QARS1: variants seen among roughly 807,000 people sequenced by gnomAD.
QARS1 encodes the protein glutamine--tRNA ligase.
Under a neutral mutation model 106.9 loss-of-function variants are expected in QARS1, and 79 were observed. That is an observed-to-expected ratio of 0.74 (90% CI 0.62 to 0.89). The LOEUF (loss-of-function observed/expected upper bound fraction) is 0.89. QARS1 is among the 40% of genes least tolerant of loss of function. The pLI is 0.00. For missense variants in QARS1, 966 were observed against 997.2 expected, an observed-to-expected ratio of 0.97 and a Z score of 0.42; for synonymous variants, 395 against 367.7, an observed-to-expected ratio of 1.07 and a Z score of -0.85.
intron 5 of QARS1, 92 bp from the exon 6 acceptor site, chr3:49,102,564 C>T (rs2042485353): frequency 7.0e-7 from 1 of 1,429,900 alleles, no homozygotes; most frequent in East Asian, 2.3e-5. Flanking sequence ...GCTTCCTGGC[C>T]TATCTACCAG....
In QARS1 at chr3:49,103,660, C is replaced by A; in HGVS notation, c.422G>T (p.Arg141Leu). 1 of 1,613,796 alleles carries A rather than the reference C, an allele frequency of 6.2e-7. No homozygotes were observed. The highest frequency in any genetic ancestry group is 1.1e-5 in the South Asian group (1 of 90,992). Residue 141 changes from arginine (R) to leucine (L), a missense_variant, in exon 4 of 24, where the codon CGT becomes CTT. By Grantham distance (102) the Arg-to-Leu change is moderately radical. Transcript: ENST00000306125. ...NRHRPQLLVE[R>L]YHFNMGLLMG... ...CAGCAGCCCCATGTTGAAATGGTAA[C>A]GTTCCACCAGGAGCTGGGGCCGGTG...
Position 49,101,623 on chromosome 3 carries a change from C to A in QARS1, c.786G>T (p.Gly262=). 6.2e-7 allele frequency: 1 copy of A among 1,613,518 alleles called. No individual in the cohort carries two copies. The highest frequency in any genetic ancestry group is 1.3e-5 in the African/African-American group (1 of 75,028). ...LLKQHLEITG[G]QVRTRFPPEP... The stretch of plus-strand genomic sequence containing the variant: ...ACATGGCCACATCCCCACACACCTG[C>A]CCACCAGTAATCTCCAGGTGCTGCT... Residue 262 remains glycine (G), a synonymous_variant, in exon 9 of 24, where the codon GGG becomes GGT. Transcript: ENST00000306125.
chr3:49,098,599 C>G lies in QARS1; in HGVS notation c.1956+1G>C. ...GTAGGAAGGCTGCAGCTGGCTCTCA[C>G]CTTGACAACATGCTGCAGCTCAATG... On this transcript the variant is annotated splice_donor_variant, in intron 20 of 23. Transcript: ENST00000306125. LOFTEE classifies it high-confidence loss of function. 1 of 1,610,526 alleles carries G rather than the reference C, an allele frequency of 6.2e-7. No homozygotes were observed. The highest frequency in any genetic ancestry group is 8.5e-7 in the Non-Finnish European group (1 of 1,177,930).
At chr3:49,102,372 C>A (rs774433696) in intron 6 of QARS1, 47 bp downstream of exon 6, 16 of 1,612,770 alleles carry the variant, frequency 9.9e-6, no homozygotes, top group Middle Eastern at 1.6e-4. Flanking sequence ...GAAGTCTCAC[C>A]ATACCTCACC....
chr3:49,100,160 C>T, intron 13 of QARS1, 30 bp downstream of exon 13: 1 of 1,614,180 alleles, frequency 6.2e-7, no homozygotes, highest in Non-Finnish European at 8.5e-7. Flanking sequence ...CTTGGCCCAC[C>T]CAAACCCAGA....
rs1459172283 is a variant in QARS1 at position 49,098,702 on chromosome 3, G to A, written c.1864-10C>T. On this transcript the variant is annotated splice_polypyrimidine_tract_variant and intron_variant, in intron 19 of 23. Coordinates refer to ENST00000306125, the MANE Select transcript of QARS1 (RefSeq NM_005051.3). Reference sequence around the variant, plus strand: ...ATCCTGGCTCTGGCTCCTAGAGATAGGAAGTGGGGTAGACACATGAGGCTG... The same window carrying A: ...ATCCTGGCTCTGGCTCCTAGAGATAAGAAGTGGGGTAGACACATGAGGCTG... 3.8e-6 allele frequency: 6 copies of A among 1,582,762 alleles called. No individual in the cohort carries two copies. Among genetic ancestry groups the A allele is most frequent in the Non-Finnish European group, 5.1e-6 (6 of 1,165,728 alleles).
rs2107096740 is a variant in QARS1, at chr3:49,098,584, T to C, written c.1956+16A>G. 1 of 1,607,688 alleles carries C rather than the reference T, an allele frequency of 6.2e-7. No individual in the cohort carries two copies. The highest frequency in any genetic ancestry group is 8.5e-7 in the Non-Finnish European group (1 of 1,176,122). On this transcript the variant is annotated intron_variant, in intron 20 of 23. Transcript: ENST00000306125. ...CCAGCAGGCACTGCAGTAGGAAGGC[T>C]GCAGCTGGCTCTCACCTTGACAACA... is the stretch of plus-strand genomic sequence containing the variant.
chr3:49,098,105 C>A lies in QARS1; in HGVS notation c.2164G>T (p.Val722Leu), dbSNP rs781454677. 2 of 1,614,214 alleles carry A rather than the reference C, an allele frequency of 1.2e-6. No individual in the cohort carries two copies. Among genetic ancestry groups the A allele is most frequent in the Non-Finnish European group, 1.7e-6 (2 of 1,180,036 alleles). Reference protein sequence around the residue: ...LSDLNLASLHVVDAALVDCSV... With the variant: ...LSDLNLASLHLVDAALVDCSV... ...CAGTCCACTAATGCTGCATCCACCA[C>A]GTGTAGTGATGCCTGCAGGCAGGGA... The change falls in exon 23 of 24, where the codon GTG (valine) becomes TTG (leucine). Residue 722 changes from valine (V) to leucine (L), a missense_variant. Transcript: ENST00000306125.
chr3:49,104,605 A>C lies in QARS1; in HGVS notation c.117+12T>G, dbSNP rs753102950. 2 of 1,599,218 alleles carry C rather than the reference A, an allele frequency of 1.3e-6. No homozygotes were observed. ...GGTCTGCAAACCAGGCCGGGGGCAGAGGGGCTCGCACCTGAGTAGCGGCCT... is the reference window on the plus strand; with the variant it reads ...GGTCTGCAAACCAGGCCGGGGGCAGCGGGGCTCGCACCTGAGTAGCGGCCT... On this transcript the variant is annotated intron_variant, in intron 1 of 23. Transcript: ENST00000306125.
rs769326974 is a variant in QARS1 at position 49,101,816 on chromosome 3, A to G, written c.703+12T>C. 5.6e-5 allele frequency: 91 copies of G among 1,610,902 alleles called. No individual in the cohort carries two copies. Among genetic ancestry groups the G allele is most frequent in the Admixed American group, 2.2e-4 (13 of 59,526 alleles). ...ATCCAGCCCTCCCCAGGGTTTTGAC[A>G]TGCCCACTAACCAGGCTTGTGGAAC... On this transcript the variant is annotated intron_variant, in intron 8 of 23. Transcript: ENST00000306125.
chr3:49,096,172 C>G (rs1372245937), intron 23 of QARS1, 93 bp from the exon 24 acceptor site: 1 of 1,347,948 alleles, frequency 7.4e-7, no homozygotes, highest in Non-Finnish European at 1.0e-6. Flanking sequence ...CCCTAACATC[C>G]TTCTTAAGCC....
Position 49,096,277 on chromosome 3 carries a change from T to C in QARS1, c.2278-198A>G, listed in dbSNP as rs1320478591. ...TGAATGGGGCTCTAGGCTATAGTAT[T>C]ATATGGACCATAACAACCACCGTGG... is the stretch of plus-strand genomic sequence containing the variant. On this transcript the variant is annotated intron_variant, in intron 23 of 23. Transcript: ENST00000306125. Among the ~76,000 whole-genome samples the C allele has an allele frequency of 7.9e-5, 12 of 152,184 alleles. No homozygotes were observed. The East Asian group carries it at 2.3e-3, about 29-fold the overall frequency.
rs757249021 is a variant in QARS1 at position 49,100,395 on chromosome 3, A to G, written c.1040T>C (p.Val347Ala). 1.2e-6 allele frequency: 2 copies of G among 1,614,258 alleles called. No individual in the cohort carries two copies. Among genetic ancestry groups the G allele is most frequent in the Non-Finnish European group, 1.7e-6 (2 of 1,180,048 alleles). Residue 347 changes from valine to alanine, a missense_variant, in exon 12 of 24, where the codon GTG becomes GCG. Physicochemically the swap from Val to Ala is moderately conservative, Grantham distance 64. Transcript: ENST00000306125. The stretch of plus-strand genomic sequence containing the variant: ...CTGGCCTTACCTGCGGATGAGCTCC[A>G]CAGCCCACGCATATAGCTGGTCAAA... ...DYFDQLYAWA[V>A]ELIRRGLAYV... is the part of the protein sequence containing the mutation.
At chr3:49,102,548 C>T in intron 5 of QARS1, 76 bp from the exon 6 acceptor site, 1 of 1,528,372 alleles carries the variant, frequency 6.5e-7, no homozygotes, top group Non-Finnish European at 9.0e-7. Context: ...TACCCACCAA[C>T]CCAAGGCTTC....
intron 6 of QARS1, 27 bp downstream of exon 6, chr3:49,102,392 G>A (rs759684120): frequency 3.1e-6 from 5 of 1,613,972 alleles, no homozygotes; most frequent in Non-Finnish European, 2.5e-6. Flanking sequence ...CTCACCCTCA[G>A]GGACTCAGGG....
At chr3:49,101,276 G>T in intron 10 of QARS1, 79 bp downstream of exon 10, 1 of 1,142,976 alleles carries the variant, frequency 8.7e-7, no homozygotes, top group Non-Finnish European at 1.3e-6. Flanking sequence ...GGAGCAGACA[G>T]CAAGGCAGGG....
At position 49,101,405 on chromosome 3, in the gene QARS1, G is replaced by A. The variant is rs2042468681; in HGVS notation, c.826C>T (p.Leu276=). The part of the protein sequence containing the change: ...TRFPPEPNGI[L]HIGHAKAINF... ...ATGGCTTTGGCATGTCCAATATGCA[G>A]GATTCCATTGGGTTCTGGCGGGAAC... is the stretch of plus-strand genomic sequence containing the variant. Residue 276 remains leucine (L), a synonymous_variant, in exon 10 of 24, where the codon CTG becomes TTG. Transcript: ENST00000306125. 3 of 1,614,128 alleles carry A rather than the reference G, an allele frequency of 1.9e-6. No individual in the cohort carries two copies. The highest frequency in any genetic ancestry group is 1.7e-6 in the Non-Finnish European group (2 of 1,179,982).
In QARS1 at chr3:49,101,834, T is replaced by C; in HGVS notation, c.697A>G (p.Lys233Glu). 1 of 1,612,354 alleles carries C rather than the reference T, an allele frequency of 6.2e-7. No individual in the cohort carries two copies. Among genetic ancestry groups the C allele is most frequent in the South Asian group, 1.1e-5 (1 of 90,810 alleles). ...QLRGEALKFH[K>E]PGENYKTPGY... is the part of the protein sequence containing the mutation. ...TTTTGACATGCCCACTAACCAGGCT[T>C]GTGGAACTTAAGGGCCTCCCCCCGG... The change falls in exon 8 of 24, where the codon AAG becomes GAG. Residue 233 changes from lysine to glutamate, a missense_variant. Transcript: ENST00000306125.
intron 3 of QARS1, 41 bp downstream of exon 3, chr3:49,103,822 C>T: frequency 6.2e-7 from 1 of 1,603,422 alleles, no homozygotes. Context: ...CTTTCCATGG[C>T]CAGGACTGGG....
Sources: gnomAD v4.1 joint callset for allele counts (sites outside exome capture counted in the v4.1 genomes callset) on GRCh38, gnomAD v4.1.1 for gene constraint, MANE v1.5 for transcripts, NCBI Gene and HGNC (gene_info 2026-07-23, HGNC 2026-07-21) for gene names.